GLCCI1: variants seen among roughly 807,000 people sequenced by gnomAD.
GLCCI1 encodes the protein glucocorticoid induced 1, also known as glucocorticoid-induced transcript 1 protein.
A neutral mutation model predicts 52.2 loss-of-function variants in GLCCI1; 24 were observed. The ratio of observed to expected loss-of-function variants is 0.46; its 90% CI spans 0.33 to 0.65. The LOEUF (loss-of-function observed/expected upper bound fraction) is 0.65, where lower values mean the gene tolerates loss of function less well. Ranked by LOEUF, GLCCI1 falls within the 30% of genes least tolerant of loss-of-function variation. The pLI, the probability that GLCCI1 is intolerant of heterozygous loss-of-function variation, is 0.02. For missense variants in GLCCI1, 704 were observed against 701.5 expected, an observed-to-expected ratio of 1.00 and a Z score of -0.04; for synonymous variants, 310 against 276.5, an observed-to-expected ratio of 1.12 and a Z score of -1.20.
chr7:7,982,369 A>C (rs1301100315), intron 1 of GLCCI1: 1 of 167,456 alleles, frequency 6.0e-6, no homozygotes, highest in Non-Finnish European at 1.3e-5. Context: ...TAGATTATTA[A>C]TACTGATTAT....
chr7:8,085,346 G>A (rs1783082368), intron 7 of GLCCI1, among the ~76,000 whole-genome samples: 1 of 152,190 alleles, frequency 6.6e-6, no homozygotes, highest in South Asian at 2.1e-4. Flanking sequence ...TAATATCCGT[G>A]TGTGACTAGC....
chr7:8,056,023 G>A (rs565645148), intron 4 of GLCCI1, among the ~76,000 whole-genome samples: 3 of 149,254 alleles, frequency 2.0e-5, no homozygotes, highest in Non-Finnish European at 3.0e-5. Flanking sequence ...ACCAGCCAGG[G>A]GCAGTGGCTC....
chr7:7,974,827 T>C (rs1273144049), intron 1 of GLCCI1, among the ~76,000 whole-genome samples: 1 of 152,190 alleles, frequency 6.6e-6, no homozygotes, highest in Non-Finnish European at 1.5e-5. Flanking sequence ...ACCACTAAGA[T>C]AGACTTTCTG....
intron 5 of GLCCI1, among the ~76,000 whole-genome samples, chr7:8,068,525 C>T (rs749895689): frequency 6.6e-6 from 1 of 152,194 alleles, no homozygotes; most frequent in Admixed American, 6.5e-5. Flanking sequence ...GCCATTTCAT[C>T]AATCAGCTCC....
chr7:8,020,765 T>G (rs1001625763), intron 2 of GLCCI1, among the ~76,000 whole-genome samples: 4 of 152,172 alleles, frequency 2.6e-5, no homozygotes, highest in African/African-American at 9.7e-5. Flanking sequence ...TTGATAAGAG[T>G]AATGCTCAGT....
intron 3 of GLCCI1, among the ~76,000 whole-genome samples, chr7:8,026,069 A>G (rs1439730685): frequency 6.6e-6 from 1 of 152,244 alleles, no homozygotes; most frequent in African/African-American, 2.4e-5. Context: ...GGAGTTTTCA[A>G]CATTGTTTGG....
chr7:8,036,657 A>G (rs1438134477), intron 3 of GLCCI1, among the ~76,000 whole-genome samples: 1 of 152,226 alleles, frequency 6.6e-6, no homozygotes, highest in Non-Finnish European at 1.5e-5. Context: ...AAGAAATCAG[A>G]AAAACAATTT....
chr7:7,977,184 T>C (rs1333753796), intron 1 of GLCCI1, among the ~76,000 whole-genome samples: 4 of 152,220 alleles, frequency 2.6e-5, no homozygotes, highest in African/African-American at 7.2e-5. Flanking sequence ...CACTTGATTG[T>C]TAAGCACAGT....
intron 2 of GLCCI1, among the ~76,000 whole-genome samples, chr7:8,008,287 CTTTT>C (rs371599508): frequency 3.6e-5 from 5 of 139,874 alleles, no homozygotes; most frequent in Admixed American, 7.2e-5. Context: ...TGTTGTATAT[CTTTT>C]TTTTTTTTTT....
chr7:8,029,297 A>G (rs1270741877), intron 3 of GLCCI1, among the ~76,000 whole-genome samples: 1 of 152,224 alleles, frequency 6.6e-6, no homozygotes, highest in Non-Finnish European at 1.5e-5. Context: ...AGATGGTTCA[A>G]CAAACTCAAA....
At chr7:8,009,271 A>G (rs1583968020) in intron 2 of GLCCI1, among the ~76,000 whole-genome samples, 1 of 152,232 alleles carries the variant, frequency 6.6e-6, no homozygotes, top group African/African-American at 2.4e-5. Flanking sequence ...TAAGGTTACT[A>G]TAATAAAACA....
chr7:8,024,613 T>C (rs1178063872), intron 3 of GLCCI1: 1 of 152,202 alleles, frequency 6.6e-6, no homozygotes, highest in Non-Finnish European at 1.5e-5. Context: ...TACTGTTGTG[T>C]TGGATTTATA....
At chr7:7,993,666 G>A (rs1562420144) in intron 1 of GLCCI1, among the ~76,000 whole-genome samples, 1 of 152,002 alleles carries the variant, frequency 6.6e-6, no homozygotes, top group Non-Finnish European at 1.5e-5. Flanking sequence ...TACCACTATG[G>A]CCCAATACTT....
intron 3 of GLCCI1, among the ~76,000 whole-genome samples, chr7:8,027,684 G>GAA (rs796859194): frequency 2.9e-5 from 4 of 139,516 alleles, no homozygotes; most frequent in Middle Eastern, 3.3e-3. Context: ...CTGAATGGAT[G>GAA]AAAAAAAAAA....
rs1453127205 is a variant in GLCCI1, at chr7:8,063,659, C to T, written c.966+3411C>T. On this transcript the variant is annotated intron_variant, in intron 5 of 7. Transcript: ENST00000223145. ...TTTGAGACAGGGTCTTGCTCCATTG[C>T]CCAGGCTGGAGTATAGCGGCACAGT... is the stretch of plus-strand genomic sequence containing the variant. Among the ~76,000 whole-genome samples the T allele has an allele frequency of 2.1e-5, 3 of 142,322 alleles. No individual in the cohort carries two copies. In the South Asian group the frequency reaches 6.7e-4, roughly 32 times the overall value. The allele number at this position is 142,322 out of a possible 152,430, so 93.4% of individuals were successfully genotyped here.
In GLCCI1 at chr7:8,087,755, G is replaced by A. The variant is rs775839985; in HGVS notation, c.*1217G>A. On this transcript the variant is annotated 3_prime_UTR_variant, in exon 8 of 8. Transcript: ENST00000223145. ...AGCAGGTTTTTTTGGTGACTTACAA[G>A]AGCAATAGTTTGAAGCTATCTCATT... The A allele has an allele frequency of 3.3e-5, 5 of 152,568 alleles. No homozygotes were observed. The highest frequency in any genetic ancestry group is 5.9e-5 in the Non-Finnish European group (4 of 68,026). 9.5% of individuals were successfully genotyped at this position (152,568 alleles called of 1,614,324 possible).
chr7:7,973,413 C>CTTGTGTGTGTGTGT (rs1554257314), intron 1 of GLCCI1, among the ~76,000 whole-genome samples: 1 of 147,590 alleles, frequency 6.8e-6, no homozygotes, highest in Non-Finnish European at 1.5e-5. Context: ...TCTTTGTGTG[C>CTTGTGTGTGTGTGT]GTGTGTGTGT....
At chr7:8,014,718 T>C (rs1282748211) in intron 2 of GLCCI1, among the ~76,000 whole-genome samples, 1 of 152,222 alleles carries the variant, frequency 6.6e-6, no homozygotes, top group African/African-American at 2.4e-5. Context: ...TGTAGCACTT[T>C]AGAAAATTTT....
chr7:8,045,350 A>G (rs553788984), intron 3 of GLCCI1, among the ~76,000 whole-genome samples: 1 of 152,244 alleles, frequency 6.6e-6, no homozygotes, highest in South Asian at 2.1e-4. Context: ...GTGGGAGGAA[A>G]CCAGAGTACC....
Sources: allele counts gnomAD v4.1 joint callset (sites outside exome capture counted in the v4.1 genomes callset), GRCh38; gene constraint gnomAD v4.1.1; transcripts MANE v1.5; gene names NCBI Gene and HGNC (gene_info 2026-07-23, HGNC 2026-07-21).